The following SLC2A14 variants were observed in gnomAD, a reference collection of about 807,000 sequenced individuals.
SLC2A14 encodes solute carrier family 2, facilitated glucose transporter member 14.
SLC2A14 carries 13 observed loss-of-function variants against 43.0 expected under a neutral mutation model. The observed-to-expected ratio is 0.30, with a 90% CI of 0.20 to 0.48. The LOEUF is 0.48. SLC2A14 is among the 20% of genes least tolerant of loss of function. The pLI is 0.99. For missense variants in SLC2A14, 428 were observed against 620.4 expected (o/e 0.69, Z 3.29); for synonymous variants, 190 against 233.8 (o/e 0.81, Z 1.71).
At chr12:7,868,258 A>T (rs1352734217) in intron 2 of SLC2A14, among the ~76,000 whole-genome samples, 1 of 152,200 alleles carries the variant, frequency 6.6e-6, no homozygotes, top group Non-Finnish European at 1.5e-5. Context: ...ATTTTTTAGC[A>T]AGAAGGTATT....
intron 8 of SLC2A14, among the ~76,000 whole-genome samples, chr12:7,820,437 G>C (rs1863817916): frequency 6.6e-6 from 1 of 152,078 alleles, no homozygotes; most frequent in Admixed American, 6.6e-5. Flanking sequence ...AGGAGTTGGG[G>C]GCAGTCTTGG....
chr12:7,874,211 G>C (rs1285567107), upstream of SLC2A14, among the ~76,000 whole-genome samples: 2 of 151,980 alleles, frequency 1.3e-5, no homozygotes, highest in Admixed American at 6.6e-5. Flanking sequence ...TTTGTTAATG[G>C]GGTACAAATT....
intron 2 of SLC2A14, among the ~76,000 whole-genome samples, chr12:7,860,063 A>G (rs1944461331): frequency 6.6e-6 from 1 of 152,144 alleles, no homozygotes; most frequent in Non-Finnish European, 1.5e-5. Context: ...CTGTGGTGCT[A>G]GTAACATCCT....
chr12:7,870,863 G>A, intron 1 of SLC2A14: 4 of 1,283,000 alleles, frequency 3.1e-6, no homozygotes, highest in Non-Finnish European at 4.1e-6. Flanking sequence ...TGTTCAGCAA[G>A]TGGACCAAAG....
chr12:7,838,184 T>A (rs1865618260), intron 2 of SLC2A14, among the ~76,000 whole-genome samples: 1 of 151,838 alleles, frequency 6.6e-6, no homozygotes, highest in Non-Finnish European at 1.5e-5. Flanking sequence ...ACCTCCCACG[T>A]TCAAGTGATT....
chr12:7,828,847 A>T lies in SLC2A14; in HGVS notation c.533T>A (p.Ile178Asn), dbSNP rs1336194641. The change falls in exon 6 of 11, where the codon ATC becomes AAC. Residue 178 changes from isoleucine (I) to asparagine (N), a missense_variant. By Grantham distance (149) the Ile-to-Asn change is moderately radical. This residue lies in a region of SLC2A14 where 185 missense variants were observed against 275.4 expected (regional missense o/e 0.67). Transcript: ENST00000431042. ...CGGCCATAGCTCTTCAGACCCAAGGATGAGTTCCAGACCAAAGATCTAGAA... is the reference window on the plus strand; with the variant it reads ...CGGCCATAGCTCTTCAGACCCAAGGTTGAGTTCCAGACCAAAGATCTAGAA... ...LVAQIFGLEL[I>N]LGSEELWPVL... The T allele has an allele frequency of 3.7e-6, 6 of 1,614,076 alleles. No homozygotes were observed. In the East Asian group the frequency reaches 1.3e-4, roughly 36 times the overall value.
chr12:7,869,067 C>T (rs995850643), intron 2 of SLC2A14, among the ~76,000 whole-genome samples: 1 of 151,776 alleles, frequency 6.6e-6, no homozygotes, highest in Non-Finnish European at 1.5e-5. Flanking sequence ...TCGTTTGAAC[C>T]CAGGAGGCGG....
intron 1 of SLC2A14, among the ~76,000 whole-genome samples, chr12:7,882,914 C>T (rs896611300): frequency 1.3e-5 from 2 of 151,440 alleles, no homozygotes; most frequent in Middle Eastern, 6.8e-3. Context: ...GACTAAGACT[C>T]TTAAATGCTC....
intron 2 of SLC2A14, 83 bp from the exon 3 acceptor site, chr12:7,832,897 A>T: frequency 7.3e-7 from 1 of 1,374,362 alleles, no homozygotes; most frequent in East Asian, 2.3e-5. Flanking sequence ...ATGGAGCTGT[A>T]TTAGGAGAAT....
At chr12:7,875,970 C>T (rs1473194209), upstream of SLC2A14, among the ~76,000 whole-genome samples, 6 of 150,840 alleles carry the variant, frequency 4.0e-5, no homozygotes, top group African/African-American at 7.3e-5. Flanking sequence ...AACAAGACTT[C>T]GTCCCAGAAA....
In SLC2A14 at chr12:7,831,694, G is replaced by T. The variant is rs1382779155; in HGVS notation, c.182C>A (p.Thr61Lys). Residue 61 changes from threonine to lysine, a missense_variant, in exon 4 of 11, where the codon ACG becomes AAG. Around this residue, in one of 4 missense-constraint regions of SLC2A14, gnomAD observed 122 missense variants for 128.8 expected, o/e 0.95. Transcript: ENST00000431042. ...ANAPPSEVLL[T>K]NLWSLSVAIF... ...GGCCACAGACAAGGACCAGAGATTC[G>T]TGAGCAGCACCTCAGAGGGAGGGGC... 3 of 1,614,092 alleles carry T rather than the reference G, an allele frequency of 1.9e-6. No homozygotes were observed. The highest frequency in any genetic ancestry group is 2.5e-6 in the Non-Finnish European group (3 of 1,180,056).
At chr12:7,842,848 C>T (rs746887237) in intron 2 of SLC2A14, among the ~76,000 whole-genome samples, 2 of 152,014 alleles carry the variant, frequency 1.3e-5, no homozygotes, top group East Asian at 3.9e-4. Flanking sequence ...CCTGCCTCAG[C>T]CTCCCGAGTA....
At chr12:7,863,323 AAGGG>A (rs1413981554) in intron 2 of SLC2A14, 2 of 451,696 alleles carry the variant, frequency 4.4e-6, no homozygotes, top group Non-Finnish European at 4.4e-6. Flanking sequence ...TGAACATCAG[AAGGG>A]AGGGACTCCA....
At chr12:7,848,069 C>T (rs959235107) in intron 2 of SLC2A14, among the ~76,000 whole-genome samples, 4 of 152,068 alleles carry the variant, frequency 2.6e-5, no homozygotes, top group African/African-American at 9.7e-5. Flanking sequence ...CAGGATTCTG[C>T]AGAAAGCAGC....
In SLC2A14 at chr12:7,889,163, A is replaced by T. The variant is rs370996121; in HGVS notation, c.132+1833T>A. On this transcript the variant is annotated intron_variant, in intron 1 of 9. Coordinates refer to the SLC2A14 transcript ENST00000539924. ...CACAAGGCAAAGTGAAAGCAACTTTATTAAGAAAGTAAAGGAATAAAAGAA... is the reference window on the plus strand; with the variant it reads ...CACAAGGCAAAGTGAAAGCAACTTTTTTAAGAAAGTAAAGGAATAAAAGAA... Among the ~76,000 whole-genome samples the T allele has an allele frequency of 2.0e-5, 3 of 151,988 alleles. 1 individual carries two copies. Among genetic ancestry groups the T allele is most frequent in the East Asian group, 3.9e-4 (2 of 5,180 alleles).
At chr12:7,832,180 G>A (rs902419968) in intron 3 of SLC2A14, among the ~76,000 whole-genome samples, 3 of 152,156 alleles carry the variant, frequency 2.0e-5, no homozygotes, top group South Asian at 2.1e-4. Context: ...TAAATAGACG[G>A]GAATTGAAGA....
At chr12:7,850,611 G>A (rs1406374058) in intron 2 of SLC2A14, 1 of 152,150 alleles carries the variant, frequency 6.6e-6, no homozygotes, top group African/African-American at 2.4e-5. Context: ...GGCCAGGATG[G>A]TCTCGATCTT....
intron 2 of SLC2A14, among the ~76,000 whole-genome samples, chr12:7,857,612 A>G (rs1944325428): frequency 6.6e-6 from 1 of 152,022 alleles, no homozygotes; most frequent in African/African-American, 2.4e-5. Flanking sequence ...ACAAACACAT[A>G]TATTCCTTTC....
In SLC2A14 at chr12:7,847,422, C is replaced by A. The variant is rs370943019; in HGVS notation, c.19-14608G>T. On this transcript the variant is annotated intron_variant, in intron 2 of 10. Transcript: ENST00000431042. ...CTATACATGTTTAAGAATCATGAGA[C>A]CTAGAAACAAAGAAAGGAAGAATAG... Among the ~76,000 whole-genome samples the A allele has an allele frequency of 6.6e-5, 10 of 152,094 alleles. 1 individual carries two copies. The highest frequency in any genetic ancestry group is 2.6e-4 in the Admixed American group (4 of 15,254).
Sources: gnomAD v4.1 joint callset for allele counts (sites outside exome capture counted in the v4.1 genomes callset) on GRCh38, gnomAD v4.1.1 for gene constraint, gnomAD v4.1.1 regional missense constraint, MANE v1.5 for transcripts, NCBI Gene and HGNC (gene_info 2026-07-23, HGNC 2026-07-21) for gene names.